The following ARHGAP10 variants were observed in gnomAD, a reference collection of about 807,000 sequenced individuals.
ARHGAP10 encodes Rho GTPase activating protein 10, also known as rho GTPase-activating protein 10.
A neutral mutation model predicts 108.6 loss-of-function variants in ARHGAP10; 87 were observed. The observed-to-expected ratio is 0.80, with a 90% confidence interval of 0.67 to 0.96. The LOEUF (loss-of-function observed/expected upper bound fraction) is 0.96. Ranked by LOEUF, ARHGAP10 falls within the 40% of genes least tolerant of loss-of-function variation. The pLI is 0.00. For missense variants in ARHGAP10, 939 were observed against 954.5 expected, an observed-to-expected ratio of 0.98 and a Z score of 0.21; for synonymous variants, 347 against 341.1, an observed-to-expected ratio of 1.02 and a Z score of -0.19.
chr4:147,848,750 A>T (rs1223699762), intron 4 of ARHGAP10, among the ~76,000 whole-genome samples: 1 of 152,176 alleles, frequency 6.6e-6, no homozygotes, highest in Non-Finnish European at 1.5e-5. Flanking sequence ...CATCTATTCT[A>T]CTGGAATTTA....
At chr4:148,038,882 A>C in intron 19 of ARHGAP10, among the ~76,000 whole-genome samples, 1 of 152,208 alleles carries the variant, frequency 6.6e-6, no homozygotes, top group African/African-American at 2.4e-5. Context: ...CAAAGAAGCA[A>C]ATGTTCTTCT....
intron 1 of ARHGAP10, among the ~76,000 whole-genome samples, chr4:147,747,361 A>G (rs878976514): frequency 6.6e-6 from 1 of 152,244 alleles, no homozygotes; most frequent in Non-Finnish European, 1.5e-5. Flanking sequence ...ATTATCTATT[A>G]TCTAAAAATA....
At chr4:147,892,566 C>T (rs553671569) in intron 10 of ARHGAP10, among the ~76,000 whole-genome samples, 1 of 150,870 alleles carries the variant, frequency 6.6e-6, no homozygotes, top group Non-Finnish European at 1.5e-5. Flanking sequence ...GGGAGTTGAG[C>T]AGCATGGGGG....
intron 10 of ARHGAP10, among the ~76,000 whole-genome samples, chr4:147,893,337 C>T (rs575603781): frequency 1.9e-4 from 29 of 151,738 alleles, no homozygotes; most frequent in South Asian, 1.5e-3. Context: ...GGATTACAGA[C>T]GTGAGCCACT....
At chr4:147,747,675 A>G (rs1728992021) in intron 1 of ARHGAP10, among the ~76,000 whole-genome samples, 1 of 152,174 alleles carries the variant, frequency 6.6e-6, no homozygotes, top group African/African-American at 2.4e-5. Context: ...TAGAGTTTAA[A>G]AATTAATCTG....
chr4:147,975,154 G>T (rs1739544342), intron 18 of ARHGAP10, among the ~76,000 whole-genome samples: 1 of 152,130 alleles, frequency 6.6e-6, no homozygotes, highest in Non-Finnish European at 1.5e-5. Flanking sequence ...TTATAACTTT[G>T]TAATAAGCAT....
At chr4:147,995,694 T>G (rs1370495480) in intron 18 of ARHGAP10, among the ~76,000 whole-genome samples, 1 of 152,038 alleles carries the variant, frequency 6.6e-6, no homozygotes, top group Non-Finnish European at 1.5e-5. Flanking sequence ...AAACAAAATT[T>G]CCAAAAATTT....
rs559797681 is a variant in ARHGAP10, at chr4:147,738,267, T to C, written c.154+5812T>C. On this transcript the variant is annotated intron_variant, in intron 1 of 22. Coordinates refer to ENST00000336498, the MANE Select transcript of ARHGAP10 (RefSeq NM_024605.4). ...GTTCTCGTCAGTAAAATAGAAATTG[T>C]AGGGCTGGGCGCGGTGGCTCACGGC... is the stretch of plus-strand genomic sequence containing the variant. Among the ~76,000 whole-genome samples the C allele has an allele frequency of 5.9e-5, 9 of 152,304 alleles. No individual in the cohort carries two copies. The East Asian group carries it at 1.7e-3, about 29-fold the overall frequency.
Position 147,866,393 on chromosome 4 carries a change from A to T in ARHGAP10, c.598-319A>T, listed in dbSNP as rs1056730868. On this transcript the variant is annotated intron_variant, in intron 6 of 22. Coordinates refer to ENST00000336498, the MANE Select transcript of ARHGAP10 (RefSeq NM_024605.4). ...GATTGTGTCAACCTATAGTGATAAG[A>T]TTTCAATTACAAATATTGGGATTCT... is the stretch of plus-strand genomic sequence containing the variant. The T allele has an allele frequency of 5.5e-5, 12 of 217,838 alleles. No homozygotes were observed. In the South Asian group the frequency reaches 1.1e-3, roughly 19 times the overall value. 13.5% of individuals were successfully genotyped at this position (217,838 alleles called of 1,614,324 possible).
At chr4:148,065,075 G>A (rs2149691855) in intron 22 of ARHGAP10, among the ~76,000 whole-genome samples, 1 of 152,266 alleles carries the variant, frequency 6.6e-6, no homozygotes, top group South Asian at 2.1e-4. Flanking sequence ...CAAGCATTTA[G>A]GAGCTATGCC....
At chr4:147,889,397 T>C (rs2126883527) in intron 10 of ARHGAP10, among the ~76,000 whole-genome samples, 1 of 152,320 alleles carries the variant, frequency 6.6e-6, no homozygotes, top group Admixed American at 6.5e-5. Flanking sequence ...CCTCCCAGGT[T>C]TGAGTGATTC....
chr4:148,061,882 T>C (rs1320090836), intron 20 of ARHGAP10, among the ~76,000 whole-genome samples: 1 of 152,182 alleles, frequency 6.6e-6, no homozygotes. Flanking sequence ...CCAGTATCAA[T>C]GTGCCCTTTC....
intron 1 of ARHGAP10, among the ~76,000 whole-genome samples, chr4:147,761,392 G>A (rs774694908): frequency 2.6e-5 from 4 of 151,978 alleles, no homozygotes; most frequent in African/African-American, 4.8e-5. Context: ...AGTAGTAATC[G>A]CTGTACTGAC....
At chr4:147,908,627 T>A (rs2126913278) in intron 11 of ARHGAP10, among the ~76,000 whole-genome samples, 1 of 152,354 alleles carries the variant, frequency 6.6e-6, no homozygotes, top group Middle Eastern at 3.4e-3. Flanking sequence ...TTGCCTAGAA[T>A]TATCACCGTG....
At chr4:148,020,080 C>A (rs1183230879) in intron 18 of ARHGAP10, among the ~76,000 whole-genome samples, 1 of 152,120 alleles carries the variant, frequency 6.6e-6, no homozygotes, top group Non-Finnish European at 1.5e-5. Context: ...CTTTGAATGT[C>A]ATGTCAGCGC....
intron 13 of ARHGAP10, among the ~76,000 whole-genome samples, chr4:147,924,972 T>G (rs1230621278): frequency 9.0e-6 from 1 of 110,798 alleles, no homozygotes; most frequent in Non-Finnish European, 1.6e-5. Flanking sequence ...GAACTTTCTA[T>G]TTTTTTTTTT....
intron 20 of ARHGAP10, among the ~76,000 whole-genome samples, chr4:148,057,765 G>A (rs1225450687): frequency 6.6e-6 from 1 of 152,230 alleles, no homozygotes; most frequent in Non-Finnish European, 1.5e-5. Flanking sequence ...CTCAGTGCCT[G>A]TATTATGGTT....
At chr4:148,031,323 A>G (rs954475876) in intron 19 of ARHGAP10, among the ~76,000 whole-genome samples, 19 of 152,226 alleles carry the variant, frequency 1.2e-4, no homozygotes, top group African/African-American at 4.6e-4. Context: ...GTTATGTATT[A>G]GCATATTATA....
chr4:147,941,960 A>G (rs914651053), intron 14 of ARHGAP10, among the ~76,000 whole-genome samples: 1 of 152,068 alleles, frequency 6.6e-6, no homozygotes, highest in Non-Finnish European at 1.5e-5. Context: ...TTCAAATGGA[A>G]ATAATTTAAC....
Sources: gnomAD v4.1 joint callset for allele counts (sites outside exome capture counted in the v4.1 genomes callset) on GRCh38, gnomAD v4.1.1 for gene constraint, MANE v1.5 for transcripts, NCBI Gene and HGNC (gene_info 2026-07-23, HGNC 2026-07-21) for gene names.